The following ITGA11 variants were observed in gnomAD, a reference collection of about 807,000 sequenced individuals.
ITGA11 encodes integrin alpha-11.
Under a neutral mutation model 141.9 loss-of-function variants are expected in ITGA11, and 97 were observed. The observed-to-expected ratio is 0.68, with a 90% confidence interval of 0.58 to 0.81. The LOEUF (loss-of-function observed/expected upper bound fraction) is 0.81, where lower values mean the gene tolerates loss of function less well. ITGA11 is among the 30% of genes least tolerant of loss of function. ITGA11 has a pLI of 0.00. For synonymous variants in ITGA11, 658 were observed against 624.6 expected (o/e 1.05, Z -0.80); for missense variants, 1,387 against 1,559.2 (o/e 0.89, Z 1.86).
At chr15:68,414,029 C>T (rs1248769251) in intron 1 of ITGA11, among the ~76,000 whole-genome samples, 2 of 152,168 alleles carry the variant, frequency 1.3e-5, no homozygotes, top group African/African-American at 4.8e-5. Context: ...TCTGGACACA[C>T]CCAGATGTCA....
At chr15:68,306,578 C>T (rs9672310) in intron 28 of ITGA11, among the ~76,000 whole-genome samples, 51,666 of 152,134 alleles carry the variant, frequency 0.34, 9,341 homozygotes, top group African/African-American at 0.43. Flanking sequence ...GGGGCCCAAG[C>T]CGTAGGAGAC....
intron 7 of ITGA11, among the ~76,000 whole-genome samples, chr15:68,355,458 T>G (rs1895042955): frequency 6.6e-6 from 1 of 151,726 alleles, no homozygotes; most frequent in South Asian, 2.1e-4. Flanking sequence ...TTTTTTTCTT[T>G]TTTTTTTGAG....
chr15:68,381,995 G>A (rs369635865), intron 2 of ITGA11, among the ~76,000 whole-genome samples: 1 of 152,218 alleles, frequency 6.6e-6, no homozygotes, highest in Non-Finnish European at 1.5e-5. Flanking sequence ...CAGGAGCGCA[G>A]AGGACACAGA....
chr15:68,382,548 C>T (rs1203947490), intron 2 of ITGA11, among the ~76,000 whole-genome samples: 1 of 152,244 alleles, frequency 6.6e-6, no homozygotes, highest in African/African-American at 2.4e-5. Context: ...ACCATTCTCT[C>T]CCTCCCTTTC....
chr15:68,325,084 G>T lies in ITGA11; in HGVS notation c.2322+47C>A. On this transcript the variant is annotated intron_variant, in intron 18 of 29. Coordinates refer to ENST00000315757, the MANE Select transcript of ITGA11 (RefSeq NM_001004439.2). The surrounding 1 kb of genome is among the most constrained non-coding windows in gnomAD (Gnocchi z 5.5). ...TGGGCTTTGGGGTTGAGGTGGAGGT[G>T]GGGGTGGGGTTCATGCCCGAGGTGC... The T allele has an allele frequency of 7.4e-7, 1 of 1,348,722 alleles. No homozygotes were observed. Among genetic ancestry groups the T allele is most frequent in the East Asian group, 2.3e-5 (1 of 43,628 alleles). The allele number at this position is 1,348,722 out of a possible 1,614,324, so 83.5% of individuals were successfully genotyped here. A position where few individuals can be genotyped will look rare whatever the true frequency, so the allele number is the denominator to read the frequency against.
At chr15:68,393,425 A>G (rs1461526193) in intron 2 of ITGA11, among the ~76,000 whole-genome samples, 9 of 152,202 alleles carry the variant, frequency 5.9e-5, no homozygotes, top group Non-Finnish European at 1.3e-4. Context: ...ACATTTAGAT[A>G]CATCATAGTC....
rs1893815303 is a variant in ITGA11, at chr15:68,321,569, C to CA, written c.2323-67dup. ...CCCGCAGCCCCTCGCCCTCAATGTA[C>CA]ACCAGCTCTGTCTCCACCACACTAG... is the stretch of plus-strand genomic sequence containing the variant. On this transcript the variant is annotated intron_variant, in intron 18 of 29. Transcript: ENST00000315757. The surrounding 1 kb of genome is among the most constrained non-coding windows in gnomAD (Gnocchi z 4.9). The CA allele has an allele frequency of 9.8e-7, 1 of 1,017,808 alleles. No individual in the cohort carries two copies. Among genetic ancestry groups the CA allele is most frequent in the African/African-American group, 1.7e-5 (1 of 60,200 alleles). 63.0% of individuals were successfully genotyped at this position (1,017,808 alleles called of 1,614,324 possible).
chr15:68,313,115 C>A (rs1269737062), intron 23 of ITGA11, among the ~76,000 whole-genome samples: 1 of 152,186 alleles, frequency 6.6e-6, no homozygotes, highest in African/African-American at 2.4e-5. Context: ...TTATCTCATC[C>A]CTGCCCCAGC....
In ITGA11 at chr15:68,300,711, A is replaced by G. The variant is rs969878550; in HGVS notation, c.*2348T>C. ...GTTGGTCTTGGTGTAGGTCTGGGGA[A>G]GGGTGTGAAGGACTGTGGAGTTCTG... is the stretch of plus-strand genomic sequence containing the variant. On this transcript the variant is annotated 3_prime_UTR_variant, in exon 30 of 30. Coordinates refer to ENST00000315757, the MANE Select transcript of ITGA11 (RefSeq NM_001004439.2). 8.2e-6 allele frequency: 1 copy of G among 121,778 alleles called. No homozygotes were observed. Among genetic ancestry groups the G allele is most frequent in the African/African-American group, 3.3e-5 (1 of 29,956 alleles). The allele number at this position is 121,778 out of a possible 1,614,324, so 7.5% of individuals were successfully genotyped here. A position where few individuals can be genotyped will look rare whatever the true frequency, so the allele number is the denominator to read the frequency against.
rs771583803 is a variant in ITGA11, at chr15:68,303,821, G to T, written c.3446C>A (p.Thr1149Asn). The T allele has an allele frequency of 2.5e-6, 4 of 1,613,290 alleles. No homozygotes were observed. In the South Asian group the frequency reaches 4.4e-5, roughly 18 times the overall value. Reference protein sequence around the residue: ...QVPIWIIVGSTLGGLLLLALL... With the variant: ...QVPIWIIVGSNLGGLLLLALL... The stretch of plus-strand genomic sequence containing the variant: ...GGCCAGCAGTAGGAGGCCCCCCAGG[G>T]TGCTGCCTACAATGATCCAGATGGG... The change falls in exon 29 of 30, where the codon ACC (threonine) becomes AAC (asparagine). Residue 1149 changes from threonine to asparagine, a missense_variant. Thr to Asn is a moderately conservative substitution (Grantham distance 65). Coordinates refer to ENST00000315757, the MANE Select transcript of ITGA11 (RefSeq NM_001004439.2). The surrounding 1 kb of genome is among the most constrained non-coding windows in gnomAD (Gnocchi z 5.3).
At chr15:68,424,410 G>A (rs1334996254) in intron 1 of ITGA11, among the ~76,000 whole-genome samples, 2 of 152,248 alleles carry the variant, frequency 1.3e-5, no homozygotes, top group African/African-American at 4.8e-5. Flanking sequence ...CTGGGGCTGG[G>A]TTTACATTAT....
At chr15:68,424,971 G>A (rs1205212813) in intron 1 of ITGA11, among the ~76,000 whole-genome samples, 2 of 152,242 alleles carry the variant, frequency 1.3e-5, no homozygotes, top group African/African-American at 4.8e-5. Flanking sequence ...GTGTACATCA[G>A]TGTTTGGAAT....
intron 18 of ITGA11, among the ~76,000 whole-genome samples, chr15:68,323,284 C>T (rs907176333): frequency 6.6e-6 from 1 of 152,170 alleles, no homozygotes; most frequent in African/African-American, 2.4e-5. Context: ...GGCATTCTAG[C>T]ACCAAAGTTC....
At chr15:68,403,610 T>G (rs1424749513) in intron 1 of ITGA11, among the ~76,000 whole-genome samples, 1 of 79,126 alleles carries the variant, frequency 1.3e-5, no homozygotes, top group Non-Finnish European at 2.2e-5. Context: ...AAAATAAACC[T>G]CTTTTCTTTC....
chr15:68,394,186 C>T lies in ITGA11; in HGVS notation c.164+8732G>A, dbSNP rs1005364361. Among the ~76,000 whole-genome samples the T allele has an allele frequency of 2.6e-5, 4 of 152,040 alleles. No homozygotes were observed. In the East Asian group the frequency reaches 7.7e-4, roughly 29 times the overall value. On this transcript the variant is annotated intron_variant, in intron 2 of 29. Transcript: ENST00000315757. ...GTAAGAAACAGTAATTTTGAACAGACCAATAACAAGCAGTGAGATTGAATC... is the reference window on the plus strand; with the variant it reads ...GTAAGAAACAGTAATTTTGAACAGATCAATAACAAGCAGTGAGATTGAATC...
chr15:68,368,268 G>A (rs1367606728), intron 3 of ITGA11, among the ~76,000 whole-genome samples: 1 of 152,176 alleles, frequency 6.6e-6, no homozygotes, highest in East Asian at 1.9e-4. Flanking sequence ...CAGGGTCCTG[G>A]CCCTAGGGAA....
At chr15:68,330,949 G>C in intron 15 of ITGA11, 32 bp downstream of exon 15, 1 of 1,612,862 alleles carries the variant, frequency 6.2e-7, no homozygotes, top group Non-Finnish European at 8.5e-7. Context: ...TTTCAGGAGA[G>C]CCCAGGAGGT....
At chr15:68,428,824 G>C (rs932039568) in intron 1 of ITGA11, among the ~76,000 whole-genome samples, 17 of 152,164 alleles carry the variant, frequency 1.1e-4, no homozygotes, top group Non-Finnish European at 2.2e-4. Context: ...CCCACATCAA[G>C]AGCATACTGA....
chr15:68,387,885 C>T (rs1172069176), intron 2 of ITGA11, among the ~76,000 whole-genome samples: 2 of 152,134 alleles, frequency 1.3e-5, no homozygotes, highest in Non-Finnish European at 2.9e-5. Flanking sequence ...TCTCTTTCTC[C>T]TTCCTCCTCA....
Sources: gnomAD v4.1 joint callset for allele counts (sites outside exome capture counted in the v4.1 genomes callset) on GRCh38, gnomAD v4.1.1 for gene constraint, Gnocchi (gnomAD v3.1) non-coding constraint, MANE v1.5 for transcripts, NCBI Gene and HGNC (gene_info 2026-07-23, HGNC 2026-07-21) for gene names.